BAHCC1: variants seen among roughly 807,000 people sequenced by gnomAD.
BAHCC1 encodes BAH domain and coiled-coil containing 1.
In BAHCC1, 43 loss-of-function variants were observed where a neutral mutation model predicts 88.2. The ratio of observed to expected loss-of-function variants is 0.49; its 90% confidence interval spans 0.38 to 0.63. The LOEUF is 0.63. Among genes scored for constraint, BAHCC1 ranks in the 20% least tolerant of loss-of-function variants. The pLI is 0.00. For synonymous variants in BAHCC1, 1,510 were observed against 745.5 expected (o/e 2.03, Z -16.71); for missense variants, 3,023 against 1,654.8 (o/e 1.83, Z -14.34).
intron 2 of BAHCC1, among the ~76,000 whole-genome samples, chr17:81,416,196 G>C (rs1311094168): frequency 2.0e-5 from 3 of 150,690 alleles, no homozygotes; most frequent in East Asian, 2.0e-4. Flanking sequence ...GAGGGTGGGT[G>C]TATGCGCGTG....
intron 2 of BAHCC1, among the ~76,000 whole-genome samples, chr17:81,400,342 G>A (rs1555645852): frequency 6.6e-6 from 1 of 152,210 alleles, no homozygotes; most frequent in African/African-American, 2.4e-5. Context: ...AGGGGACCAG[G>A]GTACGCCGCG....
At chr17:81,443,599 G>C (rs1555653393) in intron 5 of BAHCC1, 35 bp downstream of exon 5, 1 of 621,928 alleles carries the variant, frequency 1.6e-6, no homozygotes, top group East Asian at 2.7e-5. Context: ...GGCAGGCCGG[G>C]ACAGTCTAGG....
Position 81,459,346 on chromosome 17 carries a change from CCGCCCCGGG to C in BAHCC1, c.5796+19_5796+27del. On this transcript the variant is annotated intron_variant, in intron 22 of 27. Transcript: ENST00000675386. ...AGGAAGCGGTGAGGACCGGGCCGGC[CCGCCCCGGG>C]GAGGGGCCTGGCTGGCTTGTCCCAG... The C allele has an allele frequency of 1.3e-6, 1 of 775,396 alleles. No homozygotes were observed. Among genetic ancestry groups the C allele is most frequent in the Middle Eastern group, 2.3e-4 (1 of 4,412 alleles). 48.0% of individuals were successfully genotyped at this position (775,396 alleles called of 1,614,324 possible).
Position 81,442,343 on chromosome 17 carries a change from C to A in BAHCC1, c.994C>A (p.Pro332Thr). The A allele has an allele frequency of 1.4e-6, 1 of 696,342 alleles. No individual in the cohort carries two copies. The highest frequency in any genetic ancestry group is 1.5e-5 in the South Asian group (1 of 65,916). 43.1% of individuals were successfully genotyped at this position (696,342 alleles called of 1,614,324 possible). A position where few individuals can be genotyped will look rare whatever the true frequency, so the allele number is the denominator to read the frequency against. ...GGCAGCAGGCCCCCCGGAGCCCGGG[C>A]CGGCCTTCAGCGAGTGCCTGGAGCG... ...KEAAGPPEPG[P>T]AFSECLERRQ... Residue 332 changes from proline to threonine, a missense_variant, in exon 5 of 28, where the codon CCG becomes ACG. Transcript: ENST00000675386.
chr17:81,459,714 C>T (rs2030072939), intron 23 of BAHCC1, 110 bp downstream of exon 23: 3 of 584,778 alleles, frequency 5.1e-6, no homozygotes, highest in South Asian at 3.0e-5. Context: ...AACCAGCTCT[C>T]TGCTTAGACA....
chr17:81,441,026 C>A (rs2064405200), intron 4 of BAHCC1, among the ~76,000 whole-genome samples: 1 of 152,190 alleles, frequency 6.6e-6, no homozygotes, highest in Non-Finnish European at 1.5e-5. Flanking sequence ...TTTGTAAAGA[C>A]CCAGCAGAGA....
At chr17:81,452,459 A>G (rs1484645981) in intron 13 of BAHCC1, among the ~76,000 whole-genome samples, 1 of 110,170 alleles carries the variant, frequency 9.1e-6, no homozygotes, top group Non-Finnish European at 1.8e-5. Flanking sequence ...AAGTTGGGGG[A>G]TTCTCTGGGG....
intron 4 of BAHCC1, among the ~76,000 whole-genome samples, chr17:81,440,713 CGAGGGCCCAGGCT>C (rs1190024493): frequency 4.6e-5 from 7 of 152,134 alleles, no homozygotes; most frequent in Non-Finnish European, 8.8e-5. Flanking sequence ...GGGCCCAGAC[CGAGGGCCCAGGCT>C]GGGCAACCGT....
rs782031270 is a variant in BAHCC1 at position 81,445,315 on chromosome 17, G to A, written c.2836-39G>A. The A allele has an allele frequency of 4.0e-6, 3 of 747,774 alleles. No homozygotes were observed. In the South Asian group the frequency reaches 4.3e-5, roughly 11 times the overall value. 46.3% of individuals were successfully genotyped at this position (747,774 alleles called of 1,614,324 possible). On this transcript the variant is annotated intron_variant, in intron 9 of 27. Transcript: ENST00000675386. The stretch of plus-strand genomic sequence containing the variant: ...AGCAGGGGGCCCACTGGGGTCAGGG[G>A]ATCCTGAGCCTGACCGAGCTTGCCC...
At position 81,464,696 on chromosome 17, in the gene BAHCC1, A is replaced by G. The variant is rs1406439464; in HGVS notation, c.*879A>G. On this transcript the variant is annotated 3_prime_UTR_variant, in exon 28 of 28. Coordinates refer to ENST00000675386, the MANE Select transcript of BAHCC1 (RefSeq NM_001377448.1). ...TTTAAAGTATTGATAAGAAAAAGCA[A>G]TGTTTGGATTGTATCTGCTGAATCA... 1 of 152,528 alleles carries G rather than the reference A, an allele frequency of 6.6e-6. No individual in the cohort carries two copies. Among genetic ancestry groups the G allele is most frequent in the Non-Finnish European group, 1.5e-5 (1 of 68,036 alleles). The allele number at this position is 152,528 out of a possible 1,614,324, so 9.4% of individuals were successfully genotyped here.
chr17:81,462,510 G>T (rs1161969368), intron 26 of BAHCC1: 1 of 567,384 alleles, frequency 1.8e-6, no homozygotes. Flanking sequence ...CCAGTGTCCA[G>T]ACGTCATGAT....
At chr17:81,448,042 C>T (rs545555880) in intron 11 of BAHCC1, among the ~76,000 whole-genome samples, 194 bp downstream of exon 11, 3 of 152,352 alleles carry the variant, frequency 2.0e-5, no homozygotes, top group East Asian at 3.9e-4. Context: ...GTGCCATCTC[C>T]GAATCTCTCC....
chr17:81,410,461 T>C lies in BAHCC1; in HGVS notation c.178+10544T>C, dbSNP rs139355458. Among the ~76,000 whole-genome samples, 415 of 152,338 alleles carry C rather than the reference T, an allele frequency of 2.7e-3. 4 individuals carry two copies. The highest frequency in any genetic ancestry group is 8.7e-3 in the African/African-American group (362 of 41,578). On this transcript the variant is annotated intron_variant, in intron 2 of 27. Transcript: ENST00000675386. ...TGGCACGGGGGTCCAGCTGCCCCAC[T>C]TACCCCTACCTGTGCAGGGGCTTGC...
chr17:81,399,364 G>A lies in BAHCC1; in HGVS notation c.-206-170G>A, dbSNP rs1335597797. On this transcript the variant is annotated intron_variant, in intron 1 of 27. Transcript: ENST00000675386. This position sits in a 1 kb window ranked among gnomAD's most constrained non-coding sequence, Gnocchi z 4.5. ...GCCCCGGGTGCTGGGCTGCGCGCGC[G>A]TGCGGCGGGGAGACACCGAGCGCCC... is the stretch of plus-strand genomic sequence containing the variant. The A allele has an allele frequency of 1.4e-5, 2 of 147,820 alleles. No homozygotes were observed. The highest frequency in any genetic ancestry group is 2.1e-4 in the South Asian group (1 of 4,832). 9.2% of individuals were successfully genotyped at this position (147,820 alleles called of 1,614,324 possible).
At position 81,399,650 on chromosome 17, in the gene BAHCC1, C is replaced by A. The variant is rs1267553205; in HGVS notation, c.-90C>A. Reference sequence around the variant, plus strand: ...CACCGCCTGTGACCCCGGACGCCGCCGCCTCTGCGCCGCCCGCGCGCCGAG... The same window carrying A: ...CACCGCCTGTGACCCCGGACGCCGCAGCCTCTGCGCCGCCCGCGCGCCGAG... On this transcript the variant is annotated 5_prime_UTR_variant, in exon 2 of 28. Coordinates refer to ENST00000675386, the MANE Select transcript of BAHCC1 (RefSeq NM_001377448.1). This position sits in a 1 kb window ranked among gnomAD's most constrained non-coding sequence, Gnocchi z 4.5. 9 of 826,650 alleles carry A rather than the reference C, an allele frequency of 1.1e-5. No homozygotes were observed. In the East Asian group the frequency reaches 8.1e-4, roughly 75 times the overall value. The allele number at this position is 826,650 out of a possible 1,614,324, so 51.2% of individuals were successfully genotyped here. A position where few individuals can be genotyped will look rare whatever the true frequency, so the allele number is the denominator to read the frequency against.
rs1555652847 is a variant in BAHCC1 at position 81,442,489 on chromosome 17, G to A, written c.1140G>A (p.Gln380=). 1 of 722,622 alleles carries A rather than the reference G, an allele frequency of 1.4e-6. No individual in the cohort carries two copies. Among genetic ancestry groups the A allele is most frequent in the Non-Finnish European group, 2.6e-6 (1 of 390,172 alleles). The allele number at this position is 722,622 out of a possible 1,614,324, so 44.8% of individuals were successfully genotyped here. A position where few individuals can be genotyped will look rare whatever the true frequency, so the allele number is the denominator to read the frequency against. The change falls in exon 5 of 28, where the codon CAG becomes CAA. Residue 380 remains glutamine, a synonymous_variant. Transcript: ENST00000675386. ...GCCCTGACGGGCTCTGCCCGCTGCA[G>A]GACAAAGCCCCCCGGGACCTAAAGG... ...HGGPDGLCPL[Q]DKAPRDLKAS...
intron 2 of BAHCC1, among the ~76,000 whole-genome samples, chr17:81,400,436 T>G (rs1428265105): frequency 3.3e-5 from 5 of 151,638 alleles, no homozygotes; most frequent in African/African-American, 9.7e-5. Context: ...TGTTTCTATA[T>G]AAAGCCTTAA....
At chr17:81,405,690 T>C (rs2063869578) in intron 2 of BAHCC1, among the ~76,000 whole-genome samples, 1 of 152,186 alleles carries the variant, frequency 6.6e-6, no homozygotes. Context: ...AAAGCCTTGC[T>C]CCATCGTGCC....
At position 81,443,145 on chromosome 17, in the gene BAHCC1, A is replaced by G; in HGVS notation, c.1796A>G (p.Glu599Gly). ...GGCACCGCCATGGCCATCAGCGAGGAGCGCAAGGCTGGCGCCTACCTGGAC... is the reference window on the plus strand; with the variant it reads ...GGCACCGCCATGGCCATCAGCGAGGGGCGCAAGGCTGGCGCCTACCTGGAC... ...GQGTAMAISE[E>G]RKAGAYLDPF... Residue 599 changes from glutamate to glycine, a missense_variant, in exon 5 of 28, where the codon GAG becomes GGG. Transcript: ENST00000675386. 1.3e-6 allele frequency: 1 copy of G among 777,572 alleles called. No homozygotes were observed. The highest frequency in any genetic ancestry group is 2.4e-5 in the East Asian group (1 of 41,194). 48.2% of individuals were successfully genotyped at this position (777,572 alleles called of 1,614,324 possible). A position where few individuals can be genotyped will look rare whatever the true frequency, so the allele number is the denominator to read the frequency against.
Sources: allele counts gnomAD v4.1 joint callset (sites outside exome capture counted in the v4.1 genomes callset), GRCh38; gene constraint gnomAD v4.1.1; non-coding constraint Gnocchi (gnomAD v3.1); transcripts MANE v1.5; gene names NCBI Gene and HGNC (gene_info 2026-07-23, HGNC 2026-07-21).